Variants in SYNE2 observed in about 807,000 individuals in gnomAD.
SYNE2 encodes the protein spectrin repeat containing nuclear envelope protein 2, also known as nesprin-2.
SYNE2 carries 431 observed loss-of-function variants against 856.3 expected under a neutral mutation model. The ratio of observed to expected loss-of-function variants is 0.50; its 90% CI spans 0.47 to 0.55. The LOEUF (loss-of-function observed/expected upper bound fraction) is 0.55, where lower values mean the gene tolerates loss of function less well. Among genes scored for constraint, SYNE2 ranks in the 20% least tolerant of loss-of-function variants. SYNE2 has a pLI of 0.00. For synonymous variants in SYNE2, 2,923 were observed against 2,872.3 expected (o/e 1.02, Z -0.56); for missense variants, 8,129 against 8,023.2 (o/e 1.01, Z -0.50).
chr14:63,814,448 A>C (rs11851798), intron 1 of SYNE2, among the ~76,000 whole-genome samples: 1 of 44,372 alleles, frequency 2.3e-5, no homozygotes, highest in African/African-American at 5.9e-5. Flanking sequence ...CCATATATAT[A>C]ATATATATCC....
At chr14:63,892,537 T>C (rs1319509160) in intron 1 of SYNE2, among the ~76,000 whole-genome samples, 2 of 150,748 alleles carry the variant, frequency 1.3e-5, no homozygotes, top group Non-Finnish European at 2.9e-5. Context: ...AGAATTCCGG[T>C]CATTTGGGGA....
At chr14:64,219,444 A>C in intron 110 of SYNE2, 34 bp downstream of exon 110, 1 of 1,605,332 alleles carries the variant, frequency 6.2e-7, no homozygotes, top group East Asian at 2.2e-5. Flanking sequence ...AGAGGGATTC[A>C]GAATGTGCAT....
At chr14:64,050,553 G>A (rs1337014714) in intron 47 of SYNE2, among the ~76,000 whole-genome samples, 2 of 152,096 alleles carry the variant, frequency 1.3e-5, no homozygotes, top group Admixed American at 1.3e-4. Context: ...GGGGAGACAA[G>A]CATATGTAAT....
intron 44 of SYNE2, among the ~76,000 whole-genome samples, chr14:64,030,506 G>T (rs948066631): frequency 6.6e-6 from 1 of 152,150 alleles, no homozygotes; most frequent in Non-Finnish European, 1.5e-5. Context: ...TTTCAGTCTA[G>T]AGTTTTAAAA....
intron 99 of SYNE2, among the ~76,000 whole-genome samples, chr14:64,193,039 C>G (rs933318610): frequency 1.3e-5 from 2 of 152,208 alleles, no homozygotes; most frequent in Non-Finnish European, 2.9e-5. Context: ...CATAGAATCC[C>G]TGATGCTGAC....
intron 70 of SYNE2, 194 bp downstream of exon 70, chr14:64,122,621 C>T (rs2097906342): frequency 1.5e-6 from 1 of 687,276 alleles, no homozygotes; most frequent in Middle Eastern, 3.9e-4. Context: ...CCCAGGGCTT[C>T]CCTCATCAGA....
chr14:63,988,867 G>A (rs907802685), intron 19 of SYNE2, among the ~76,000 whole-genome samples: 2 of 152,126 alleles, frequency 1.3e-5, no homozygotes, highest in African/African-American at 4.8e-5. Flanking sequence ...CTGCCCTCAT[G>A]ATTCAATTAC....
At chr14:64,207,515 G>A (rs540272977) in intron 100 of SYNE2, among the ~76,000 whole-genome samples, 2 of 148,712 alleles carry the variant, frequency 1.3e-5, no homozygotes, top group African/African-American at 2.5e-5. Flanking sequence ...AGCCAAGATC[G>A]CACCACTATA....
At chr14:63,974,882 G>GTATATATA (rs1465256139) in intron 11 of SYNE2, among the ~76,000 whole-genome samples, 23 of 27,102 alleles carry the variant, frequency 8.5e-4, no homozygotes, top group South Asian at 2.3e-3. Flanking sequence ...GTGTGTGTGT[G>GTATATATA]TGTGTGTGTG....
At chr14:64,202,766 T>C (rs1443358078) in intron 99 of SYNE2, 35 bp from the exon 100 acceptor site, 2 of 1,613,750 alleles carry the variant, frequency 1.2e-6, no homozygotes, top group African/African-American at 2.7e-5. Context: ...CTGGTTTTTT[T>C]TTGTTTCGTT....
At chr14:63,901,761 A>G (rs2095339872) in intron 1 of SYNE2, among the ~76,000 whole-genome samples, 1 of 152,186 alleles carries the variant, frequency 6.6e-6, no homozygotes, top group African/African-American at 2.4e-5. Context: ...CTGCCTCTAC[A>G]GAAAATTTAA....
At chr14:63,982,397 C>T (rs375117129) in intron 16 of SYNE2, among the ~76,000 whole-genome samples, 34 of 151,956 alleles carry the variant, frequency 2.2e-4, no homozygotes, top group African/African-American at 8.2e-4. Context: ...TGGCAGACTC[C>T]TCTAAGGGGA....
At chr14:64,218,228 A>G (rs548764027) in intron 108 of SYNE2, 170 bp from the exon 109 acceptor site, 1 of 639,492 alleles carries the variant, frequency 1.6e-6, no homozygotes, top group South Asian at 1.7e-5. Context: ...CAGCTTTGCC[A>G]GCTTATAAAT....
At chr14:64,122,217 A>G (rs746905087) in intron 69 of SYNE2, 69 bp from the exon 70 acceptor site, 42 of 1,613,900 alleles carry the variant, frequency 2.6e-5, no homozygotes, top group Non-Finnish European at 3.5e-5. Context: ...AATTGCTCAT[A>G]GAACTGTGAA....
chr14:64,190,252 A>C lies in SYNE2; in HGVS notation c.18038+15A>C. 2 of 1,614,042 alleles carry C rather than the reference A, an allele frequency of 1.2e-6. No individual in the cohort carries two copies. Among genetic ancestry groups the C allele is most frequent in the Non-Finnish European group, 8.5e-7 (1 of 1,179,938 alleles). On this transcript the variant is annotated intron_variant, in intron 99 of 115. Coordinates refer to ENST00000555002, the MANE Select transcript of SYNE2 (RefSeq NM_182914.3). The stretch of plus-strand genomic sequence containing the variant: ...ATCGGATCAAGGTAAGAAATGGGCT[A>C]AAAATGATTACTCTCCAGGAACAGT...
chr14:63,905,487 G>C (rs1056563163), intron 1 of SYNE2, among the ~76,000 whole-genome samples: 9 of 152,104 alleles, frequency 5.9e-5, no homozygotes, highest in Non-Finnish European at 1.0e-4. Context: ...TCTTTCAGCA[G>C]TGTTTTATAA....
At chr14:63,814,247 G>T (rs1403637069) in intron 1 of SYNE2, among the ~76,000 whole-genome samples, 1 of 151,500 alleles carries the variant, frequency 6.6e-6, no homozygotes, top group Non-Finnish European at 1.5e-5. Context: ...TCCAGTCTGG[G>T]CCACAGAGCG....
At chr14:64,013,110 A>G (rs1473000677) in intron 32 of SYNE2, among the ~76,000 whole-genome samples, 1 of 152,210 alleles carries the variant, frequency 6.6e-6, no homozygotes, top group Non-Finnish European at 1.5e-5. Context: ...TACTCCTTCC[A>G]TTCGCTGTAA....
At chr14:63,943,318 T>C (rs1055135254) in intron 6 of SYNE2, among the ~76,000 whole-genome samples, 4 of 152,374 alleles carry the variant, frequency 2.6e-5, no homozygotes, top group East Asian at 1.9e-4. Flanking sequence ...ATGATTGATA[T>C]GTTTTTTCAG....
Sources: allele counts gnomAD v4.1 joint callset (sites outside exome capture counted in the v4.1 genomes callset), GRCh38; gene constraint gnomAD v4.1.1; transcripts MANE v1.5; gene names NCBI Gene and HGNC (gene_info 2026-07-23, HGNC 2026-07-21).